Variants in FAR2 observed in about 807,000 individuals in gnomAD.
FAR2 encodes the protein fatty acyl-CoA reductase 2.
In FAR2, 19 loss-of-function variants were observed where a neutral mutation model predicts 56.0. That is an observed-to-expected ratio of 0.34 (90% CI 0.24 to 0.50). The LOEUF is 0.50. Among genes scored for constraint, FAR2 ranks in the 20% least tolerant of loss-of-function variants. The probability of loss-of-function intolerance (pLI) is 0.98; values close to 1 mark genes in which losing one functional copy is unlikely to be tolerated. For missense variants in FAR2, 508 were observed against 642.2 expected, an observed-to-expected ratio of 0.79 and a Z score of 2.26; for synonymous variants, 219 against 218.8, an observed-to-expected ratio of 1.00 and a Z score of -0.01.
At chr12:29,210,308 T>G (rs574424267) in intron 1 of FAR2, among the ~76,000 whole-genome samples, 1 of 152,206 alleles carries the variant, frequency 6.6e-6, no homozygotes, top group Non-Finnish European at 1.5e-5. Context: ...CAGTGTTTAC[T>G]CTAAGATACT....
intron 4 of FAR2, among the ~76,000 whole-genome samples, chr12:29,306,182 C>T (rs1949252220): frequency 6.6e-6 from 1 of 152,020 alleles, no homozygotes; most frequent in Admixed American, 6.6e-5. Context: ...CTTTCCCAGC[C>T]CCCAGGTGAC....
intron 10 of FAR2, among the ~76,000 whole-genome samples, chr12:29,322,654 G>C (rs1949572427): frequency 6.6e-6 from 1 of 152,130 alleles, no homozygotes; most frequent in South Asian, 2.1e-4. Flanking sequence ...TCTCAGTCAT[G>C]TATCCCGTTT....
intron 2 of FAR2, among the ~76,000 whole-genome samples, chr12:29,279,928 A>T (rs1591922824): frequency 2.0e-5 from 3 of 146,392 alleles, no homozygotes; most frequent in Non-Finnish European, 1.5e-5. Flanking sequence ...GTGCAATATA[A>T]TTTTTTTTTT....
Position 29,308,349 on chromosome 12 carries a change from C to T in FAR2, c.723+514C>T, listed in dbSNP as rs560998978. Among the ~76,000 whole-genome samples, 118 of 152,136 alleles carry T rather than the reference C, an allele frequency of 7.8e-4. 1 individual carries two copies. Among genetic ancestry groups the T allele is most frequent in the African/African-American group, 2.7e-3 (114 of 41,512 alleles). ...GTGAAGCTTTGGGGTAGATAAATTC[C>T]AGCTCCACTACTTACTGGTAATGCA... is the stretch of plus-strand genomic sequence containing the variant. On this transcript the variant is annotated intron_variant, in intron 5 of 11. Transcript: ENST00000536681.
intron 1 of FAR2, among the ~76,000 whole-genome samples, chr12:29,201,511 T>C (rs1434808558): frequency 2.0e-5 from 3 of 152,158 alleles, no homozygotes; most frequent in African/African-American, 4.8e-5. Flanking sequence ...CTTCTTCCTC[T>C]ATATGTAGAC....
chr12:29,304,692 A>G (rs1949227939), intron 4 of FAR2, among the ~76,000 whole-genome samples: 2 of 152,220 alleles, frequency 1.3e-5, no homozygotes, highest in African/African-American at 4.8e-5. Context: ...ACCAAAATTG[A>G]TAATATTTAG....
At chr12:29,271,000 T>G (rs1443845554) in intron 2 of FAR2, among the ~76,000 whole-genome samples, 1 of 152,260 alleles carries the variant, frequency 6.6e-6, no homozygotes, top group Non-Finnish European at 1.5e-5. Context: ...CCAAATTTTT[T>G]GGATATTCTT....
At chr12:29,284,872 C>T (rs1024495728) in intron 2 of FAR2, among the ~76,000 whole-genome samples, 3 of 143,118 alleles carry the variant, frequency 2.1e-5, no homozygotes, top group East Asian at 4.3e-4. Context: ...GATGGAGTCT[C>T]GCTCTGTCGC....
chr12:29,291,280 AC>A (rs1270907682), intron 2 of FAR2: 16 of 404,890 alleles, frequency 4.0e-5, no homozygotes, highest in Admixed American at 3.8e-4. Flanking sequence ...TGGTACCTGG[AC>A]CATCAGATCC....
intron 6 of FAR2, among the ~76,000 whole-genome samples, chr12:29,310,186 C>T (rs59173481): frequency 0.017 from 2,630 of 152,260 alleles, 61 homozygotes; most frequent in African/African-American, 0.059. Context: ...ATTATTTTAA[C>T]GTGATCCCAA....
intron 1 of FAR2, among the ~76,000 whole-genome samples, chr12:29,262,375 A>C (rs1948435119): frequency 6.6e-6 from 1 of 152,212 alleles, no homozygotes; most frequent in African/African-American, 2.4e-5. Flanking sequence ...TCATGCCTGT[A>C]ATCCCAGCAC....
chr12:29,159,726 C>T (rs1020086754), intron 1 of FAR2, among the ~76,000 whole-genome samples: 7 of 152,126 alleles, frequency 4.6e-5, no homozygotes, highest in South Asian at 2.1e-4. Context: ...CTGGCTGAGA[C>T]GTAGCTTGCA....
Position 29,335,105 on chromosome 12 carries a change from T to C in FAR2, c.*1311T>C, listed in dbSNP as rs575823144. Reference sequence around the variant, plus strand: ...CTAAAATTAGTCACCGCATAACTAGTTGAAAATGGCATAGGCATAAAATGT... The same window carrying C: ...CTAAAATTAGTCACCGCATAACTAGCTGAAAATGGCATAGGCATAAAATGT... On this transcript the variant is annotated 3_prime_UTR_variant, in exon 12 of 12. Coordinates refer to ENST00000536681, the MANE Select transcript of FAR2 (RefSeq NM_001271783.2). 1.3e-5 allele frequency: 2 copies of C among 152,308 alleles called. No individual in the cohort carries two copies. Among genetic ancestry groups the C allele is most frequent in the East Asian group, 1.9e-4 (1 of 5,184 alleles). The allele number at this position is 152,308 out of a possible 1,614,324, so 9.4% of individuals were successfully genotyped here.
chr12:29,316,859 C>A lies in FAR2; in HGVS notation c.974C>A (p.Thr325Asn). The change falls in exon 9 of 12, where the codon ACC becomes AAC. Residue 325 changes from threonine to asparagine, a missense_variant. By Grantham distance (65) the Thr-to-Asn change is moderately conservative. Transcript: ENST00000536681. The part of the protein sequence containing the change: ...WHKMGVQVLA[T>N]FEKIPFERPF... ...TCCCCAGGAGTCCAAGTCTTGGCAA[C>A]CTTTGAAAAAATCCCATTTGAGAGA... 1.9e-6 allele frequency: 3 copies of A among 1,614,034 alleles called. No individual in the cohort carries two copies. Among genetic ancestry groups the A allele is most frequent in the Non-Finnish European group, 2.5e-6 (3 of 1,179,964 alleles).
At chr12:29,266,532 A>G (rs965354195) in intron 1 of FAR2, among the ~76,000 whole-genome samples, 8 of 152,052 alleles carry the variant, frequency 5.3e-5, no homozygotes, top group Admixed American at 1.3e-4. Context: ...GGAGTGGGTA[A>G]TGGGAACAAA....
chr12:29,222,079 C>A (rs952282779), intron 1 of FAR2, among the ~76,000 whole-genome samples: 2 of 152,114 alleles, frequency 1.3e-5, no homozygotes, highest in African/African-American at 4.8e-5. Context: ...AAACTCCTGA[C>A]CTCGAGTGAT....
chr12:29,226,596 T>C (rs1022217443), intron 1 of FAR2, among the ~76,000 whole-genome samples: 2 of 152,200 alleles, frequency 1.3e-5, no homozygotes, highest in Non-Finnish European at 2.9e-5. Flanking sequence ...GAAATTCTAA[T>C]ACATTTGATT....
chr12:29,164,126 G>A (rs1949804957), intron 1 of FAR2, among the ~76,000 whole-genome samples: 1 of 152,164 alleles, frequency 6.6e-6, no homozygotes, highest in South Asian at 2.1e-4. Flanking sequence ...CAGTACTATG[G>A]AAGTGTTTCC....
chr12:29,326,933 C>T (rs1209232428), intron 10 of FAR2, among the ~76,000 whole-genome samples: 5 of 151,928 alleles, frequency 3.3e-5, no homozygotes, highest in African/African-American at 9.7e-5. Flanking sequence ...AAATAAAGGG[C>T]ATTCAATTAG....
Sources: allele counts gnomAD v4.1 joint callset (sites outside exome capture counted in the v4.1 genomes callset), GRCh38; gene constraint gnomAD v4.1.1; transcripts MANE v1.5; gene names NCBI Gene and HGNC (gene_info 2026-07-23, HGNC 2026-07-21).